The following RELN variants were observed in gnomAD, a reference collection of about 807,000 sequenced individuals.
The protein encoded by RELN is reelin.
Under a neutral mutation model 427.6 loss-of-function variants are expected in RELN, and 108 were observed. The observed-to-expected ratio is 0.25, with a 90% CI of 0.22 to 0.30. The LOEUF (loss-of-function observed/expected upper bound fraction) is 0.30. Among genes scored for constraint, RELN ranks in the 10% least tolerant of loss-of-function variants. The probability of loss-of-function intolerance (pLI) is 1.00; values close to 1 mark genes in which losing one functional copy is unlikely to be tolerated. For synonymous variants in RELN, 1,524 were observed against 1,513.4 expected (o/e 1.01, Z -0.16); for missense variants, 3,715 against 4,302.8 (o/e 0.86, Z 3.82).
chr7:103,805,294 C>T (rs949188806), intron 3 of RELN, among the ~76,000 whole-genome samples: 7 of 152,076 alleles, frequency 4.6e-5, no homozygotes, highest in African/African-American at 1.7e-4. Context: ...CAGTAAAAGA[C>T]AAAATACATG....
chr7:103,767,862 T>C (rs1040154020), intron 4 of RELN, among the ~76,000 whole-genome samples: 2 of 152,222 alleles, frequency 1.3e-5, no homozygotes, highest in Admixed American at 1.3e-4. Context: ...TCGACTTACC[T>C]GCCACCCTAT....
At chr7:103,641,311 T>G (rs980619280) in intron 16 of RELN, among the ~76,000 whole-genome samples, 1 of 152,200 alleles carries the variant, frequency 6.6e-6, no homozygotes, top group Non-Finnish European at 1.5e-5. Context: ...TATAATCTGT[T>G]GTCATTTTCT....
chr7:103,519,433 C>T lies in RELN; in HGVS notation c.7752G>A (p.Leu2584=), dbSNP rs2117085861. The change falls in exon 49 of 65, where the codon CTG becomes CTA. Residue 2584 remains leucine (L), a synonymous_variant. Coordinates refer to ENST00000428762, the MANE Select transcript of RELN (RefSeq NM_005045.4). The stretch of plus-strand genomic sequence containing the variant: ...CTTGGTTACGGTTGTTTGGTGTAAT[C>T]AGGCACCCATACATGAAGTAAAATT... ...FIQFYFMYGC[L]ITPNNRNQGV... The T allele has an allele frequency of 1.2e-6, 2 of 1,613,512 alleles. No homozygotes were observed. Among genetic ancestry groups the T allele is most frequent in the African/African-American group, 1.3e-5 (1 of 75,032 alleles).
chr7:103,499,218 G>A (rs1828940387), intron 53 of RELN, among the ~76,000 whole-genome samples: 1 of 152,160 alleles, frequency 6.6e-6, no homozygotes, highest in African/African-American at 2.4e-5. Context: ...TCAAAATCTA[G>A]AATACAATAT....
At chr7:103,650,084 C>CTT (rs5886262) in intron 16 of RELN, among the ~76,000 whole-genome samples, 190 bp downstream of exon 16, 2 of 144,504 alleles carry the variant, frequency 1.4e-5, no homozygotes, top group Admixed American at 1.4e-4. Flanking sequence ...ACTTCACTGG[C>CTT]TTTTTTTTTT....
chr7:103,901,767 T>C (rs1795089724), intron 2 of RELN, among the ~76,000 whole-genome samples: 1 of 152,044 alleles, frequency 6.6e-6, no homozygotes. Flanking sequence ...GACTGACTCC[T>C]AATAGATACA....
At chr7:103,619,740 G>T (rs900526286) in intron 20 of RELN, among the ~76,000 whole-genome samples, 15 of 152,184 alleles carry the variant, frequency 9.9e-5, no homozygotes, top group African/African-American at 3.6e-4. Context: ...CAGAGAAGAA[G>T]GGAAAGAGGG....
At chr7:103,485,691 C>T (rs1213539453) in intron 61 of RELN, among the ~76,000 whole-genome samples, 1 of 152,114 alleles carries the variant, frequency 6.6e-6, no homozygotes, top group Admixed American at 6.5e-5. Flanking sequence ...TGCATTAACC[C>T]TCAGCAATTT....
intron 1 of RELN, among the ~76,000 whole-genome samples, chr7:103,931,356 G>T (rs1208796118): frequency 6.6e-6 from 1 of 152,012 alleles, no homozygotes; most frequent in Non-Finnish European, 1.5e-5. Flanking sequence ...CCAATGCTTT[G>T]TCTAAATGTC....
chr7:103,653,298 C>T (rs545111445), intron 13 of RELN, among the ~76,000 whole-genome samples: 4 of 152,160 alleles, frequency 2.6e-5, no homozygotes, highest in East Asian at 1.9e-4. Flanking sequence ...CTGGAAATAT[C>T]GTCTTTTATG....
intron 4 of RELN, among the ~76,000 whole-genome samples, chr7:103,761,731 C>T (rs1377192459): frequency 6.6e-6 from 1 of 152,176 alleles, no homozygotes; most frequent in African/African-American, 2.4e-5. Context: ...GCTGGGATTA[C>T]AGGCGTGAGC....
chr7:103,529,798 G>A (rs146639935), intron 46 of RELN, among the ~76,000 whole-genome samples: 1 of 152,196 alleles, frequency 6.6e-6, no homozygotes, highest in African/African-American at 2.4e-5. Flanking sequence ...CCGTTCGTTC[G>A]AAGGTCACTC....
At chr7:103,586,391 A>G (rs1372706766) in intron 28 of RELN, among the ~76,000 whole-genome samples, 1 of 152,042 alleles carries the variant, frequency 6.6e-6, no homozygotes, top group Non-Finnish European at 1.5e-5. Flanking sequence ...ATAAAAAATA[A>G]AAGCCATATA....
At chr7:103,525,872 T>C (rs1401442406) in intron 46 of RELN, among the ~76,000 whole-genome samples, 1 of 152,240 alleles carries the variant, frequency 6.6e-6, no homozygotes, top group Admixed American at 6.5e-5. Context: ...GTATTAAAAG[T>C]GCCTATTCAT....
At chr7:103,802,437 C>G (rs1792491353) in intron 3 of RELN, among the ~76,000 whole-genome samples, 1 of 151,938 alleles carries the variant, frequency 6.6e-6, no homozygotes. Flanking sequence ...TACTGTAAAA[C>G]AAATCACAAT....
At position 103,589,761 on chromosome 7, in the gene RELN, G is replaced by C; in HGVS notation, c.3980C>G (p.Ala1327Gly). The C allele has an allele frequency of 6.2e-7, 1 of 1,613,718 alleles. No homozygotes were observed. The highest frequency in any genetic ancestry group is 8.5e-7 in the Non-Finnish European group (1 of 1,179,614). Residue 1327 changes from alanine to glycine, a missense_variant, in exon 28 of 65, where the codon GCT (alanine) becomes GGT (glycine). Around this residue, in one of 4 missense-constraint regions of RELN, gnomAD observed 2,208 missense variants for 2,361.7 expected, o/e 0.93. Coordinates refer to ENST00000428762, the MANE Select transcript of RELN (RefSeq NM_005045.4). The part of the protein sequence containing the change: ...APVLLQYSHD[A>G]GMSWFLVKEG... ...TTTCACCAGAAACCAGGACATACCA[G>C]CATCATGAGAGTACTGAAGAAGAAC...
intron 40 of RELN, 70 bp from the exon 41 acceptor site, chr7:103,551,366 A>T: frequency 9.3e-7 from 1 of 1,072,914 alleles, no homozygotes; most frequent in Non-Finnish European, 1.4e-6. Flanking sequence ...TCACCACTTC[A>T]TTATTTTCTA....
At chr7:103,814,269 G>T (rs1029508898) in intron 3 of RELN, among the ~76,000 whole-genome samples, 1 of 152,164 alleles carries the variant, frequency 6.6e-6, no homozygotes, top group African/African-American at 2.4e-5. Flanking sequence ...CTAGCAGAGT[G>T]GATGGCAACA....
chr7:103,864,642 T>C (rs964797619), intron 2 of RELN, among the ~76,000 whole-genome samples: 1 of 152,146 alleles, frequency 6.6e-6, no homozygotes, highest in Non-Finnish European at 1.5e-5. Context: ...ATAAGCAACC[T>C]AACTTTATAC....
Sources: allele counts gnomAD v4.1 joint callset (sites outside exome capture counted in the v4.1 genomes callset), GRCh38; gene constraint gnomAD v4.1.1; regional missense constraint gnomAD v4.1.1; transcripts MANE v1.5; gene names NCBI Gene and HGNC (gene_info 2026-07-23, HGNC 2026-07-21).